Variants in TMEM132D observed in about 807,000 individuals in gnomAD.
The protein encoded by TMEM132D is transmembrane protein 132D, also known as mature OL transmembrane protein.
TMEM132D carries 21 observed loss-of-function variants against 62.3 expected under a neutral mutation model. The observed-to-expected ratio is 0.34, with a 90% CI of 0.24 to 0.49. The LOEUF (loss-of-function observed/expected upper bound fraction) is 0.49. Ranked by LOEUF, TMEM132D falls within the 20% of genes least tolerant of loss-of-function variation. TMEM132D has a pLI of 0.99. For missense variants in TMEM132D, 1,346 were observed against 1,402.8 expected, an observed-to-expected ratio of 0.96 and a Z score of 0.65; for synonymous variants, 621 against 575.6, an observed-to-expected ratio of 1.08 and a Z score of -1.13.
At chr12:129,173,161 C>A (rs1041946635) in intron 5 of TMEM132D, among the ~76,000 whole-genome samples, 1 of 152,100 alleles carries the variant, frequency 6.6e-6, no homozygotes, top group African/African-American at 2.4e-5. Context: ...ACAAGCTGTT[C>A]GAAAAATGGT....
intron 5 of TMEM132D, among the ~76,000 whole-genome samples, chr12:129,131,980 C>T (rs940082166): frequency 6.6e-6 from 1 of 152,182 alleles, no homozygotes; most frequent in Non-Finnish European, 1.5e-5. Context: ...CCTAACCCTC[C>T]TAAACTGATG....
intron 2 of TMEM132D, among the ~76,000 whole-genome samples, chr12:129,699,230 CTTATA>C (rs774795817): frequency 6.6e-6 from 1 of 152,136 alleles, no homozygotes; most frequent in Non-Finnish European, 1.5e-5. Flanking sequence ...TTGGTATATT[CTTATA>C]TAAGAAACTC....
intron 2 of TMEM132D, among the ~76,000 whole-genome samples, chr12:129,637,083 T>A: frequency 6.6e-6 from 1 of 152,310 alleles, no homozygotes; most frequent in Non-Finnish European, 1.5e-5. Context: ...GACTCACGTG[T>A]CGACAGTTTT....
At chr12:129,473,416 A>C in intron 3 of TMEM132D, among the ~76,000 whole-genome samples, 1 of 124,196 alleles carries the variant, frequency 8.1e-6, no homozygotes, top group Non-Finnish European at 1.6e-5. Flanking sequence ...TGCAACCTCC[A>C]CCTCCCAGGT....
chr12:129,462,203 G>T (rs1045026496), intron 3 of TMEM132D, among the ~76,000 whole-genome samples: 1 of 152,196 alleles, frequency 6.6e-6, no homozygotes, highest in South Asian at 2.1e-4. Context: ...TATTAAAGGC[G>T]CTTCTTGTTC....
chr12:129,691,794 C>T (rs1166071172), intron 2 of TMEM132D, among the ~76,000 whole-genome samples: 12 of 151,734 alleles, frequency 7.9e-5, no homozygotes, highest in East Asian at 7.8e-4. Flanking sequence ...AAAACAACTC[C>T]GCTCAAAAAA....
intron 3 of TMEM132D, among the ~76,000 whole-genome samples, chr12:129,465,350 G>A (rs1164345103): frequency 2.0e-5 from 3 of 152,126 alleles, no homozygotes; most frequent in East Asian, 1.9e-4. Flanking sequence ...ATATTGAATG[G>A]ACAAAAACTG....
intron 2 of TMEM132D, among the ~76,000 whole-genome samples, chr12:129,631,171 A>G (rs2137167081): frequency 6.6e-6 from 1 of 152,314 alleles, no homozygotes; most frequent in East Asian, 1.9e-4. Context: ...GAGGAGGTAC[A>G]AAAGCCAGGA....
At position 129,150,633 on chromosome 12, in the gene TMEM132D, T is replaced by C. The variant is rs576218993; in HGVS notation, c.1443+58887A>G. Reference sequence around the variant, plus strand: ...AGGAGGGGCAGAATTCAAAGCCAGGTGGTCTGATCCCAGAGCTTGTGCTCC... The same window carrying C: ...AGGAGGGGCAGAATTCAAAGCCAGGCGGTCTGATCCCAGAGCTTGTGCTCC... On this transcript the variant is annotated intron_variant, in intron 5 of 8. Transcript: ENST00000422113. Among the ~76,000 whole-genome samples, 5 of 152,296 alleles carry C rather than the reference T, an allele frequency of 3.3e-5. No homozygotes were observed. The South Asian group carries it at 1.0e-3, about 32-fold the overall frequency.
At chr12:129,528,936 C>T (rs1319605629) in intron 3 of TMEM132D, among the ~76,000 whole-genome samples, 6 of 152,228 alleles carry the variant, frequency 3.9e-5, no homozygotes, top group Non-Finnish European at 7.3e-5. Flanking sequence ...CAACAAAACA[C>T]CTGTAAAATG....
intron 1 of TMEM132D, among the ~76,000 whole-genome samples, chr12:129,838,194 G>A (rs1873066626): frequency 6.6e-6 from 1 of 152,190 alleles, no homozygotes; most frequent in African/African-American, 2.4e-5. Flanking sequence ...CCACAGGTGA[G>A]CTGCTGTTAA....
At chr12:129,091,431 T>G (rs1018937689) in intron 5 of TMEM132D, among the ~76,000 whole-genome samples, 2 of 141,414 alleles carry the variant, frequency 1.4e-5, no homozygotes, top group Non-Finnish European at 3.1e-5. Context: ...ACCTTACCTA[T>G]CCTCTCCTGG....
In TMEM132D at chr12:129,477,446, T is replaced by C. The variant is rs569339424; in HGVS notation, c.1115+53613A>G. On this transcript the variant is annotated intron_variant, in intron 3 of 8. Coordinates refer to ENST00000422113, the MANE Select transcript of TMEM132D (RefSeq NM_133448.3). The stretch of plus-strand genomic sequence containing the variant: ...AAAGTGTCCCTTTTGCTTTACTTGG[T>C]CTCCATGCTCTATTCCAAAACTATC... 2.0e-5 allele frequency among the ~76,000 whole-genome samples: 3 copies of C among 152,316 alleles called. No individual in the cohort carries two copies. The South Asian group carries it at 6.2e-4, about 32-fold the overall frequency.
chr12:129,531,102 C>G lies in TMEM132D; in HGVS notation c.1072G>C (p.Ala358Pro). Reference protein sequence around the residue: ...RTDYTGKYAPAVIVCQKKAAG... With the variant: ...RTDYTGKYAPPVIVCQKKAAG... ...GCTTTCTTCTGACAAACGATGACAG[C>G]TGGTGCATACTTTCCAGTATAATCC... Residue 358 changes from alanine to proline, a missense_variant, in exon 3 of 9, where the codon GCT becomes CCT. Coordinates refer to ENST00000422113, the MANE Select transcript of TMEM132D (RefSeq NM_133448.3). 1 of 1,613,866 alleles carries G rather than the reference C, an allele frequency of 6.2e-7. No individual in the cohort carries two copies. Among genetic ancestry groups the G allele is most frequent in the Non-Finnish European group, 8.5e-7 (1 of 1,179,848 alleles).
chr12:129,232,829 AAGAG>A (rs138298025), intron 4 of TMEM132D, among the ~76,000 whole-genome samples: 51 of 149,664 alleles, frequency 3.4e-4, no homozygotes, highest in East Asian at 1.4e-3. Flanking sequence ...GAGAGAGATA[AAGAG>A]AGAGAGAGAG....
chr12:129,074,106 G>T lies in TMEM132D; in HGVS notation c.3069C>A (p.Ile1023=), dbSNP rs754390553. ...NGQLFKPLGP[I]IIDGKDQKSE... ...TTTTCTGATCTTTCCCATCAATGAT[G>T]ATGGGTCCCAAAGGTTTGAACAGCT... The change falls in exon 9 of 9, where the codon ATC becomes ATA. Residue 1023 remains isoleucine, a synonymous_variant. Transcript: ENST00000422113. 1 of 1,614,130 alleles carries T rather than the reference G, an allele frequency of 6.2e-7. No individual in the cohort carries two copies. The highest frequency in any genetic ancestry group is 8.5e-7 in the Non-Finnish European group (1 of 1,180,030).
At chr12:129,230,626 TCTCATCCA>T (rs1483325616) in intron 4 of TMEM132D, among the ~76,000 whole-genome samples, 2 of 152,188 alleles carry the variant, frequency 1.3e-5, no homozygotes, top group Non-Finnish European at 1.5e-5. Context: ...TAGAAGATGA[TCTCATCCA>T]GTCCCAGGGT....
intron 5 of TMEM132D, among the ~76,000 whole-genome samples, chr12:129,195,026 AC>A (rs1440344057): frequency 6.6e-6 from 1 of 152,168 alleles, no homozygotes; most frequent in East Asian, 1.9e-4. Context: ...ACCAGTCCTC[AC>A]CCTTGTAGAG....
At chr12:129,624,504 T>C (rs866480491) in intron 2 of TMEM132D, among the ~76,000 whole-genome samples, 3 of 152,186 alleles carry the variant, frequency 2.0e-5, no homozygotes, top group African/African-American at 7.2e-5. Flanking sequence ...GGGGAGATAA[T>C]GGTCATCAGA....
Sources: allele counts gnomAD v4.1 joint callset (sites outside exome capture counted in the v4.1 genomes callset), GRCh38; gene constraint gnomAD v4.1.1; transcripts MANE v1.5; gene names NCBI Gene and HGNC (gene_info 2026-07-23, HGNC 2026-07-21).